Variants in LRRC20 observed in about 807,000 individuals in gnomAD.
LRRC20 encodes leucine rich repeat containing 20, also known as leucine-rich repeat-containing protein 20.
In LRRC20, 11 loss-of-function variants were observed where a neutral mutation model predicts 14.4. The observed-to-expected ratio is 0.77, with a 90% CI of 0.48 to 1.27. LRRC20 has a LOEUF of 1.27. LRRC20 is among the 50% of genes most tolerant of loss of function. The pLI is 0.00. For missense variants in LRRC20, 219 were observed against 251.2 expected, an observed-to-expected ratio of 0.87 and a Z score of 0.87; for synonymous variants, 121 against 107.3, an observed-to-expected ratio of 1.13 and a Z score of -0.79.
chr10:70,377,920 A>G (rs1003837612), intron 1 of LRRC20, among the ~76,000 whole-genome samples: 2 of 152,200 alleles, frequency 1.3e-5, no homozygotes, highest in Non-Finnish European at 1.5e-5. Flanking sequence ...GACAGGTCAA[A>G]TGCTCAACAC....
intron 3 of LRRC20, among the ~76,000 whole-genome samples, chr10:70,327,556 G>C (rs1842375471): frequency 6.7e-6 from 1 of 149,504 alleles, no homozygotes; most frequent in African/African-American, 2.5e-5. Flanking sequence ...ACTCCAGCCT[G>C]GGCTACAAAG....
chr10:70,368,780 G>A (rs1421472770), intron 2 of LRRC20, among the ~76,000 whole-genome samples: 4 of 152,056 alleles, frequency 2.6e-5, no homozygotes, highest in East Asian at 1.9e-4. Flanking sequence ...ATGCCACCAC[G>A]CCTAGCTAAG....
intron 4 of LRRC20, among the ~76,000 whole-genome samples, chr10:70,302,869 C>G (rs572341079): frequency 1.3e-5 from 2 of 152,214 alleles, no homozygotes; most frequent in South Asian, 2.1e-4. Context: ...CGCCACCATG[C>G]CCAGCTAATT....
rs1589922985 is a variant in LRRC20 at position 70,299,103 on chromosome 10, GA to G, written c.*2250del. ...AAGGGCAAACTCTCCAAGCAGAGGA[GA>G]AAACAACTTCCAGAAGCTGCCCCTT... On this transcript the variant is annotated 3_prime_UTR_variant, in exon 5 of 5. Coordinates refer to ENST00000446961, the MANE Select transcript of LRRC20 (RefSeq NM_001278212.2). 6.6e-6 allele frequency: 1 copy of G among 152,622 alleles called. No homozygotes were observed. The highest frequency in any genetic ancestry group is 1.5e-5 in the Non-Finnish European group (1 of 68,104). The allele number at this position is 152,622 out of a possible 1,614,324, so 9.5% of individuals were successfully genotyped here.
intron 2 of LRRC20, among the ~76,000 whole-genome samples, chr10:70,370,050 A>T (rs924862649): frequency 5.9e-5 from 9 of 152,186 alleles, no homozygotes; most frequent in Non-Finnish European, 1.2e-4. Flanking sequence ...ATAATAAAAA[A>T]TAATAAAATA....
At chr10:70,357,504 A>C (rs1258490617) in intron 2 of LRRC20, among the ~76,000 whole-genome samples, 4 of 152,216 alleles carry the variant, frequency 2.6e-5, no homozygotes. Context: ...ATGAGGATGC[A>C]AAAGTATTAC....
intron 2 of LRRC20, among the ~76,000 whole-genome samples, chr10:70,348,181 C>T (rs78667257): frequency 0.041 from 6,233 of 152,192 alleles, 443 homozygotes; most frequent in African/African-American, 0.14. Flanking sequence ...CTGCCACCAA[C>T]GTCAAAGGCA....
At chr10:70,324,145 C>T in intron 3 of LRRC20, 115 bp from the exon 4 acceptor site, 4 of 924,114 alleles carry the variant, frequency 4.3e-6, no homozygotes, top group South Asian at 1.5e-5. Flanking sequence ...CAGAGGAAGC[C>T]CTAGGCCACA....
chr10:70,310,830 C>G (rs1841626732), intron 4 of LRRC20, among the ~76,000 whole-genome samples: 2 of 152,222 alleles, frequency 1.3e-5, no homozygotes, highest in Admixed American at 6.5e-5. Context: ...AGGGCCAGGC[C>G]TCTGTGGACC....
At chr10:70,362,478 A>G (rs917823046) in intron 2 of LRRC20, among the ~76,000 whole-genome samples, 1 of 152,262 alleles carries the variant, frequency 6.6e-6, no homozygotes, top group African/African-American at 2.4e-5. Flanking sequence ...ATACAGACAG[A>G]ACTGCTAAAG....
At chr10:70,378,433 G>A (rs1246607312) in intron 1 of LRRC20, among the ~76,000 whole-genome samples, 2 of 151,384 alleles carry the variant, frequency 1.3e-5, no homozygotes, top group East Asian at 3.9e-4. Context: ...ACTTGAGGTC[G>A]GGAGTTGGAA....
chr10:70,331,482 G>A (rs1184426878), intron 3 of LRRC20, among the ~76,000 whole-genome samples: 7 of 152,196 alleles, frequency 4.6e-5, no homozygotes, highest in African/African-American at 7.2e-5. Context: ...CCCCAGCCAC[G>A]GGATCGGCCA....
intron 3 of LRRC20, among the ~76,000 whole-genome samples, chr10:70,328,676 G>T (rs1007594863): frequency 6.6e-6 from 1 of 152,218 alleles, no homozygotes; most frequent in African/African-American, 2.4e-5. Context: ...CCAGCACTTT[G>T]GGAGGCCAAA....
At chr10:70,381,266 TC>T (rs985627832) in intron 1 of LRRC20, among the ~76,000 whole-genome samples, 1 of 152,214 alleles carries the variant, frequency 6.6e-6, no homozygotes, top group Non-Finnish European at 1.5e-5. Flanking sequence ...ATTACATGTT[TC>T]CCACACCAAG....
rs567558916 is a variant in LRRC20, at chr10:70,378,378, C to T, written c.-63-1782G>A. 9.1e-4 allele frequency among the ~76,000 whole-genome samples: 139 copies of T among 152,118 alleles called. 2 individuals carry two copies. Among genetic ancestry groups the T allele is most frequent in the African/African-American group, 3.1e-3 (127 of 41,488 alleles). ...CACTTGTCAGCCGGGCGCAGTGACT[C>T]ATGCCTGTAATCCCAGCACTTTAGG... On this transcript the variant is annotated intron_variant, in intron 1 of 4. Transcript: ENST00000446961.
chr10:70,304,470 T>TTATCTATATATATATATATATATA (rs1293891046), intron 4 of LRRC20, among the ~76,000 whole-genome samples: 4 of 113,824 alleles, frequency 3.5e-5, no homozygotes, highest in African/African-American at 1.2e-4. Context: ...GGCCACTTCT[T>TTATCTATATATATATATATATATA]TATATATATA....
At chr10:70,304,479 T>TATAGATATATAG (rs1841335371) in intron 4 of LRRC20, among the ~76,000 whole-genome samples, 2 of 43,758 alleles carry the variant, frequency 4.6e-5, no homozygotes, top group African/African-American at 3.2e-4. Flanking sequence ...TTTATATATA[T>TATAGATATATAG]ATATATATAT....
At chr10:70,302,692 G>A (rs1257550673) in intron 4 of LRRC20, among the ~76,000 whole-genome samples, 2 of 151,902 alleles carry the variant, frequency 1.3e-5, no homozygotes, top group Non-Finnish European at 2.9e-5. Context: ...GGGCAACATA[G>A]TGAGACCCCA....
intron 2 of LRRC20, among the ~76,000 whole-genome samples, chr10:70,367,704 G>A (rs1275899393): frequency 2.0e-5 from 3 of 152,132 alleles, no homozygotes; most frequent in Non-Finnish European, 4.4e-5. Context: ...GGATGGGGAG[G>A]GTTTGGCTGC....
Sources: gnomAD v4.1 joint callset for allele counts (sites outside exome capture counted in the v4.1 genomes callset) on GRCh38, gnomAD v4.1.1 for gene constraint, MANE v1.5 for transcripts, NCBI Gene and HGNC (gene_info 2026-07-23, HGNC 2026-07-21) for gene names.